The following SLA variants were observed in gnomAD, a reference collection of about 807,000 sequenced individuals.
SLA encodes the protein Src like adaptor.
A neutral mutation model predicts 30.3 loss-of-function variants in SLA; 16 were observed. That is an observed-to-expected ratio of 0.53 (90% CI 0.36 to 0.80). The LOEUF (loss-of-function observed/expected upper bound fraction) is 0.80, where lower values mean the gene tolerates loss of function less well. Ranked by LOEUF, SLA falls within the 30% of genes least tolerant of loss-of-function variation. The pLI is 0.01. For synonymous variants in SLA, 143 were observed against 137.8 expected, an observed-to-expected ratio of 1.04 and a Z score of -0.26; for missense variants, 310 against 345.2, an observed-to-expected ratio of 0.90 and a Z score of 0.81.
intron 1 of SLA, chr8:133,096,410 G>A (rs771465966): frequency 7.4e-6 from 12 of 1,613,008 alleles, no homozygotes; most frequent in Non-Finnish European, 1.0e-5. Flanking sequence ...CTCCAGCTGG[G>A]CATTTCCTAA....
intron 4 of SLA, chr8:133,050,540 T>G: frequency 2.8e-6 from 1 of 357,300 alleles, no homozygotes; most frequent in East Asian, 5.3e-5. Flanking sequence ...TGGTGGGAGA[T>G]AAGAAGAATA....
chr8:133,058,464 T>G (rs1841861401), intron 3 of SLA, among the ~76,000 whole-genome samples: 1 of 152,202 alleles, frequency 6.6e-6, no homozygotes, highest in Admixed American at 6.5e-5. Context: ...GAGCAAGCCT[T>G]GGAGACTGAT....
intron 1 of SLA, among the ~76,000 whole-genome samples, chr8:133,093,202 T>G (rs1417420774): frequency 6.6e-6 from 1 of 150,942 alleles, no homozygotes; most frequent in Non-Finnish European, 1.5e-5. Context: ...TGCTCATTGT[T>G]GGAAAAATAA....
intron 3 of SLA, among the ~76,000 whole-genome samples, chr8:133,054,496 C>G (rs1840988605): frequency 6.6e-6 from 1 of 152,112 alleles, no homozygotes; most frequent in African/African-American, 2.4e-5. Flanking sequence ...CAAAATCTGC[C>G]TCATAGGATT....
intron 6 of SLA, among the ~76,000 whole-genome samples, chr8:133,046,885 G>A (rs377512897): frequency 1.6e-4 from 24 of 152,296 alleles, no homozygotes; most frequent in African/African-American, 5.5e-4. Flanking sequence ...CTAGCACCAG[G>A]TGGCTTTGGC....
chr8:133,096,263 C>T lies in SLA; in HGVS notation c.-319+6290G>A, dbSNP rs752849508. ...GGGTCCTGTGATCGATGGCCACTTC[C>T]TCCGTGAGCCTCCAGCCAGAGCACT... On this transcript the variant is annotated intron_variant, in intron 1 of 8. Coordinates refer to ENST00000338087, the MANE Select transcript of SLA (RefSeq NM_001045556.3). 6.1e-5 allele frequency: 99 copies of T among 1,614,124 alleles called. No homozygotes were observed. Among genetic ancestry groups the T allele is most frequent in the Non-Finnish European group, 8.1e-5 (96 of 1,180,058 alleles).
chr8:133,094,267 G>C (rs1278513130), intron 1 of SLA, among the ~76,000 whole-genome samples: 1 of 137,420 alleles, frequency 7.3e-6, no homozygotes, highest in Non-Finnish European at 1.6e-5. Context: ...TTTTGATGGA[G>C]TCTTGCTCTG....
Position 133,038,615 on chromosome 8 carries a change from A to G in SLA, c.740T>C (p.Phe247Ser), listed in dbSNP as rs773722295. ...LSLTSEDNTS[F>S]DRKKKSISLM... is the part of the protein sequence containing the mutation. Reference sequence around the variant, plus strand: ...GGAGATGCTTTTCTTCTTTCGATCAAAGGAGGTGTTGTCCTCACTGGTCAG... The same window carrying G: ...GGAGATGCTTTTCTTCTTTCGATCAGAGGAGGTGTTGTCCTCACTGGTCAG... Residue 247 changes from phenylalanine (F) to serine (S), a missense_variant, in exon 9 of 9, where the codon TTT (phenylalanine) becomes TCT (serine). Coordinates refer to ENST00000338087, the MANE Select transcript of SLA (RefSeq NM_001045556.3). 8.1e-6 allele frequency: 13 copies of G among 1,613,950 alleles called. No individual in the cohort carries two copies. Among genetic ancestry groups the G allele is most frequent in the Non-Finnish European group, 1.1e-5 (13 of 1,179,960 alleles).
At chr8:133,061,255 T>C (rs951121977) in intron 2 of SLA, among the ~76,000 whole-genome samples, 1 of 152,210 alleles carries the variant, frequency 6.6e-6, no homozygotes, top group Non-Finnish European at 1.5e-5. Context: ...GTGATCTACC[T>C]GCCTTGGCCT....
intron 1 of SLA, among the ~76,000 whole-genome samples, chr8:133,100,185 G>GT (rs1436067226): frequency 6.6e-6 from 1 of 152,160 alleles, no homozygotes; most frequent in Non-Finnish European, 1.5e-5. Context: ...GGTACTTGCT[G>GT]TTTTTTCTTC....
At position 133,094,144 on chromosome 8, in the gene SLA, C is replaced by T. The variant is rs1028862349; in HGVS notation, c.-319+8409G>A. 3.3e-5 allele frequency among the ~76,000 whole-genome samples: 5 copies of T among 152,230 alleles called. No homozygotes were observed. In the East Asian group the frequency reaches 5.8e-4, roughly 18 times the overall value. On this transcript the variant is annotated intron_variant, in intron 1 of 8. Transcript: ENST00000338087. ...ACTCAGCTCATTTGTTCCTCCCAGG[C>T]GGATGACCCAATTCTACCAAAAGTC...
intron 4 of SLA, 146 bp from the exon 5 acceptor site, chr8:133,050,134 C>T (rs75507286): frequency 4.0e-5 from 27 of 668,756 alleles, no homozygotes; most frequent in African/African-American, 7.2e-5. Context: ...ACCCATATTT[C>T]GTCATCTGAA....
chr8:133,043,661 T>C (rs183663138), intron 7 of SLA, among the ~76,000 whole-genome samples: 196 of 152,294 alleles, frequency 1.3e-3, no homozygotes, highest in African/African-American at 4.6e-3. Flanking sequence ...AATCTGAGCT[T>C]GGACCTGCCT....
In SLA at chr8:133,044,555, T is replaced by C. The variant is rs1403494; in HGVS notation, c.484+429A>G. 6.1e-3 allele frequency among the ~76,000 whole-genome samples: 923 copies of C among 152,296 alleles called. 12 individuals carry two copies. The highest frequency in any genetic ancestry group is 0.021 in the African/African-American group (881 of 41,556). On this transcript the variant is annotated intron_variant, in intron 7 of 8. Coordinates refer to ENST00000338087, the MANE Select transcript of SLA (RefSeq NM_001045556.3). Reference sequence around the variant, plus strand: ...GAGCACAGCGAAGACAGGTAGCCACTGCTAACTCCTATAGCTTCATCGCAG... The same window carrying C: ...GAGCACAGCGAAGACAGGTAGCCACCGCTAACTCCTATAGCTTCATCGCAG...
At chr8:133,056,834 C>A (rs1313515648) in intron 3 of SLA, among the ~76,000 whole-genome samples, 2 of 152,104 alleles carry the variant, frequency 1.3e-5, no homozygotes, top group Admixed American at 6.5e-5. Flanking sequence ...AGTGCAGGGG[C>A]AGGACTAAAA....
intron 3 of SLA, chr8:133,059,091 C>A (rs543601432): frequency 4.4e-6 from 2 of 456,284 alleles, no homozygotes; most frequent in East Asian, 7.0e-5. Context: ...CTGGCTCAGT[C>A]CACTTCCCTG....
chr8:133,097,146 C>G (rs1007205792), intron 1 of SLA, among the ~76,000 whole-genome samples: 1 of 152,232 alleles, frequency 6.6e-6, no homozygotes, highest in Non-Finnish European at 1.5e-5. Flanking sequence ...TTCCCCTGCA[C>G]ATGCATGACA....
At chr8:133,061,333 T>C (rs1251587959) in intron 2 of SLA, among the ~76,000 whole-genome samples, 4 of 152,146 alleles carry the variant, frequency 2.6e-5, no homozygotes, top group Admixed American at 6.5e-5. Context: ...TTTCTGACTG[T>C]TTTGGGGAAC....
intron 5 of SLA, chr8:133,048,766 A>G (rs895796004): frequency 1.2e-5 from 2 of 161,220 alleles, no homozygotes; most frequent in Admixed American, 6.0e-5. Flanking sequence ...CTCCCACGGC[A>G]GCTCCTGCTT....
Sources: allele counts gnomAD v4.1 joint callset (sites outside exome capture counted in the v4.1 genomes callset), GRCh38; gene constraint gnomAD v4.1.1; transcripts MANE v1.5; gene names NCBI Gene and HGNC (gene_info 2026-07-23, HGNC 2026-07-21).